Variants in ADAM18 observed in about 807,000 individuals in gnomAD.
The protein encoded by ADAM18 is disintegrin and metalloproteinase domain-containing protein 18.
In ADAM18, 117 loss-of-function variants were observed where a neutral mutation model predicts 94.4. The observed-to-expected ratio is 1.24, with a 90% CI of 1.07 to 1.45. The LOEUF (loss-of-function observed/expected upper bound fraction) is 1.45, where lower values mean the gene tolerates loss of function less well. Ranked by LOEUF, ADAM18 falls within the 40% of genes most tolerant of loss-of-function variation. The pLI is 0.00. For synonymous variants in ADAM18, 327 were observed against 291.6 expected (o/e 1.12, Z -1.24); for missense variants, 936 against 880.0 (o/e 1.06, Z -0.81).
intron 19 of ADAM18, 160 bp downstream of exon 19, chr8:39,724,067 T>A: frequency 1.7e-6 from 1 of 571,814 alleles, no homozygotes; most frequent in Non-Finnish European, 2.6e-6. Flanking sequence ...TAATTTGTTA[T>A]TATATTGGGG....
intron 16 of ADAM18, among the ~76,000 whole-genome samples, chr8:39,684,682 T>C (rs1278945778): frequency 6.6e-6 from 1 of 152,210 alleles, no homozygotes; most frequent in Non-Finnish European, 1.5e-5. Flanking sequence ...CCAGCTCCAC[T>C]GGGCATTGCC....
chr8:39,708,935 C>T (rs556115942), intron 18 of ADAM18, among the ~76,000 whole-genome samples: 2 of 152,332 alleles, frequency 1.3e-5, no homozygotes, highest in Non-Finnish European at 2.9e-5. Flanking sequence ...ACCCTTGAAG[C>T]TCCAGAGGGC....
intron 13 of ADAM18, among the ~76,000 whole-genome samples, chr8:39,666,500 A>G (rs1820995885): frequency 1.3e-5 from 2 of 152,042 alleles, no homozygotes; most frequent in South Asian, 4.1e-4. Flanking sequence ...TTCATTATTG[A>G]ATATTGTATT....
rs779970792 is a variant in ADAM18 at position 39,610,724 on chromosome 8, G to A, written c.522+18G>A. ...ACTCACAGGTGACTGTCATCATTCT[G>A]ATGTTATGACATACTAGAACATTGC... On this transcript the variant is annotated intron_variant, in intron 6 of 19. Coordinates refer to ENST00000265707, the MANE Select transcript of ADAM18 (RefSeq NM_014237.3). The A allele has an allele frequency of 1.9e-6, 3 of 1,609,132 alleles. No individual in the cohort carries two copies. In the Admixed American group the frequency reaches 5.1e-5, roughly 27 times the overall value.
At chr8:39,659,232 T>A (rs1820767336) in intron 12 of ADAM18, among the ~76,000 whole-genome samples, 2 of 152,246 alleles carry the variant, frequency 1.3e-5, no homozygotes, top group South Asian at 4.1e-4. Context: ...TTAGTGACTG[T>A]TGTTATACAT....
chr8:39,590,194 A>C (rs1325597252), intron 2 of ADAM18, among the ~76,000 whole-genome samples: 2 of 151,996 alleles, frequency 1.3e-5, no homozygotes, highest in Non-Finnish European at 2.9e-5. Flanking sequence ...CCGAATGTCC[A>C]ACAATGATAG....
At chr8:39,614,794 CA>C (rs1379738786) in intron 6 of ADAM18, among the ~76,000 whole-genome samples, 4 of 152,088 alleles carry the variant, frequency 2.6e-5, no homozygotes, top group Non-Finnish European at 5.9e-5. Flanking sequence ...AAACACAAAA[CA>C]CAGGGGTTGC....
In ADAM18 at chr8:39,710,125, G is replaced by A. The variant is rs551270446; in HGVS notation, c.2017+3221G>A. On this transcript the variant is annotated intron_variant, in intron 18 of 19. Transcript: ENST00000265707. ...TAGAGTGAGATGAGATAAAAACACT[G>A]GAGATAACTTCTGTAAGCAACAGTG... Among the ~76,000 whole-genome samples, 7 of 152,164 alleles carry A rather than the reference G, an allele frequency of 4.6e-5. No homozygotes were observed. The East Asian group carries it at 1.2e-3, about 25-fold the overall frequency.
chr8:39,729,339 T>C (rs944373699), intron 19 of ADAM18, among the ~76,000 whole-genome samples: 2 of 152,202 alleles, frequency 1.3e-5, no homozygotes, highest in Non-Finnish European at 1.5e-5. Flanking sequence ...TGTATTTTAC[T>C]ACACAAAGTA....
chr8:39,644,527 G>A (rs1820323045), intron 10 of ADAM18, among the ~76,000 whole-genome samples: 1 of 152,070 alleles, frequency 6.6e-6, no homozygotes, highest in East Asian at 1.9e-4. Flanking sequence ...GCCTCAAGCA[G>A]TCCTACTGCC....
At chr8:39,679,920 C>A in intron 15 of ADAM18, 117 bp from the exon 16 acceptor site, 1 of 945,882 alleles carries the variant, frequency 1.1e-6, no homozygotes, top group Non-Finnish European at 1.6e-6. Context: ...TTCAGTTTGG[C>A]ATTTTTCAGT....
At chr8:39,727,114 T>C (rs180950201) in intron 19 of ADAM18, among the ~76,000 whole-genome samples, 24 of 152,286 alleles carry the variant, frequency 1.6e-4, no homozygotes, top group African/African-American at 5.5e-4. Flanking sequence ...ATATGTCTAG[T>C]TTCCTATTAG....
intron 14 of ADAM18, among the ~76,000 whole-genome samples, chr8:39,675,751 C>A (rs768576154): frequency 5.9e-5 from 9 of 152,198 alleles, no homozygotes; most frequent in Non-Finnish European, 1.2e-4. Context: ...TTTCTTCCCA[C>A]CTTTGTGGTT....
At chr8:39,707,474 G>A (rs746654059) in intron 18 of ADAM18, among the ~76,000 whole-genome samples, 1 of 152,214 alleles carries the variant, frequency 6.6e-6, no homozygotes, top group Non-Finnish European at 1.5e-5. Context: ...CAAATTTAAC[G>A]TCTTTTCTGT....
At chr8:39,692,848 A>T (rs1441624634) in intron 17 of ADAM18, among the ~76,000 whole-genome samples, 168 bp downstream of exon 17, 2 of 151,706 alleles carry the variant, frequency 1.3e-5, no homozygotes. Flanking sequence ...AGTGAATTGT[A>T]CCAGATACGT....
chr8:39,669,021 T>G (rs988661785), intron 14 of ADAM18, among the ~76,000 whole-genome samples: 2 of 152,072 alleles, frequency 1.3e-5, no homozygotes, highest in East Asian at 3.8e-4. Context: ...CAGTTCTATT[T>G]TCTGTGTGCT....
chr8:39,675,762 T>C (rs1290027480), intron 14 of ADAM18, among the ~76,000 whole-genome samples: 1 of 152,252 alleles, frequency 6.6e-6, no homozygotes. Context: ...CTTTGTGGTT[T>C]TGTCTACCTT....
intron 2 of ADAM18, among the ~76,000 whole-genome samples, chr8:39,586,273 T>C (rs908752391): frequency 6.6e-6 from 1 of 152,214 alleles, no homozygotes; most frequent in Non-Finnish European, 1.5e-5. Flanking sequence ...ATATAAATCT[T>C]ATTTATCACA....
At chr8:39,686,655 A>G (rs1254691531) in intron 16 of ADAM18, among the ~76,000 whole-genome samples, 1 of 152,226 alleles carries the variant, frequency 6.6e-6, no homozygotes, top group Non-Finnish European at 1.5e-5. Flanking sequence ...TAAAATGACT[A>G]TAGCTTGTTT....
Sources: gnomAD v4.1 joint callset for allele counts (sites outside exome capture counted in the v4.1 genomes callset) on GRCh38, gnomAD v4.1.1 for gene constraint, MANE v1.5 for transcripts, NCBI Gene and HGNC (gene_info 2026-07-23, HGNC 2026-07-21) for gene names.